Variants in VWA7 observed in about 807,000 individuals in gnomAD.
VWA7 encodes von Willebrand factor A domain-containing protein 7.
VWA7 carries 66 observed loss-of-function variants against 83.1 expected under a neutral mutation model. The observed-to-expected ratio is 0.79, with a 90% CI of 0.65 to 0.98. The LOEUF (loss-of-function observed/expected upper bound fraction) is 0.98. Ranked by LOEUF, VWA7 falls within the 50% of genes least tolerant of loss-of-function variation. The probability of loss-of-function intolerance (pLI) is 0.00; values close to 1 mark genes in which losing one functional copy is unlikely to be tolerated. For missense variants in VWA7, 1,080 were observed against 1,160.2 expected (o/e 0.93, Z 1.00); for synonymous variants, 424 against 488.5 (o/e 0.87, Z 1.74).
rs1256757700 is a variant in VWA7 at position 31,769,505 on chromosome 6, T to TTAAAC, written c.1317+169_1317+170insGTTTA. 2.6e-5 allele frequency among the ~76,000 whole-genome samples: 4 copies of TTAAAC among 152,226 alleles called. No homozygotes were observed. The highest frequency in any genetic ancestry group is 4.8e-5 in the African/African-American group (2 of 41,456). On this transcript the variant is annotated intron_variant, in intron 9 of 16. Transcript: ENST00000375688. This position sits in a 1 kb window ranked among gnomAD's most constrained non-coding sequence, Gnocchi z 4.5. The stretch of plus-strand genomic sequence containing the variant: ...TATTAAGGGTAGGGCCTCTTACGTA[T>TTAAAC]ATCATTAAAGGTATCAGGAAATGTT...
chr6:31,774,400 C>T, intron 5 of VWA7, 116 bp downstream of exon 5: 1 of 990,414 alleles, frequency 1.0e-6, no homozygotes, highest in South Asian at 1.6e-5. Flanking sequence ...CTGTTCCCAG[C>T]ATCCTCTCCT....
chr6:31,765,635 C>T lies in VWA7; in HGVS notation c.2635G>A (p.Val879Ile). Residue 879 changes from valine to isoleucine, a missense_variant, in exon 17 of 17, where the codon GTT becomes ATT. Val to Ile is a conservative substitution (Grantham distance 29, BLOSUM62 3). Transcript: ENST00000375688. ...CCTAGCAGAAGCAGCACCCCTCCAA[C>T]TGTGCCCCACCAGGGGCTGCCCGCA... ...LAAGSPWWGTVGGVLLLLGLA... is the reference protein window; with the variant it reads ...LAAGSPWWGTIGGVLLLLGLA... 1 of 1,611,062 alleles carries T rather than the reference C, an allele frequency of 6.2e-7. No individual in the cohort carries two copies. Among genetic ancestry groups the T allele is most frequent in the Non-Finnish European group, 8.5e-7 (1 of 1,179,232 alleles).
Position 31,769,854 on chromosome 6 carries a change from G to A in VWA7, c.1201-63C>T, listed in dbSNP as rs1008110641. Reference sequence around the variant, plus strand: ...GTAGGAGGGGAATGGGTAGAGCCACGGAGGATGAAGCAGAAGGGAATATGG... The same window carrying A: ...GTAGGAGGGGAATGGGTAGAGCCACAGAGGATGAAGCAGAAGGGAATATGG... On this transcript the variant is annotated intron_variant, in intron 8 of 16. Coordinates refer to ENST00000375688, the MANE Select transcript of VWA7 (RefSeq NM_025258.3). The surrounding 1 kb of genome is among the most constrained non-coding windows in gnomAD (Gnocchi z 4.5). 6.5e-7 allele frequency: 1 copy of A among 1,530,766 alleles called. No homozygotes were observed. Among genetic ancestry groups the A allele is most frequent in the Non-Finnish European group, 9.0e-7 (1 of 1,106,168 alleles). 94.8% of individuals were successfully genotyped at this position (1,530,766 alleles called of 1,614,324 possible).
chr6:31,774,979 C>T (rs1168194631), intron 4 of VWA7, among the ~76,000 whole-genome samples: 1 of 152,122 alleles, frequency 6.6e-6, no homozygotes, highest in Non-Finnish European at 1.5e-5. Context: ...AAACACAGTA[C>T]GTGTAGGGAC....
rs1811729497 is a variant in VWA7 at position 31,767,504 on chromosome 6, C to G, written c.1647G>C (p.Gln549His). 6 of 1,610,630 alleles carry G rather than the reference C, an allele frequency of 3.7e-6. No individual in the cohort carries two copies. Among genetic ancestry groups the G allele is most frequent in the Non-Finnish European group, 4.2e-6 (5 of 1,177,666 alleles). Reference protein sequence around the residue: ...FWIKNPAGVSQGQEEGGGPLG... With the variant: ...FWIKNPAGVSHGQEEGGGPLG... ...GAGGACCCCCGCCTTCCTCCTGGCCCTGGGAGACCCCTGGGGTCAGGGAAG... is the reference window on the plus strand; with the variant it reads ...GAGGACCCCCGCCTTCCTCCTGGCCGTGGGAGACCCCTGGGGTCAGGGAAG... Residue 549 changes from glutamine (Q) to histidine (H), a missense_variant, in exon 12 of 17, where the codon CAG becomes CAC. Coordinates refer to ENST00000375688, the MANE Select transcript of VWA7 (RefSeq NM_025258.3).
At chr6:31,770,269 C>T (rs750823070) in intron 7 of VWA7, among the ~76,000 whole-genome samples, 156 bp from the exon 8 acceptor site, 2 of 151,882 alleles carry the variant, frequency 1.3e-5, no homozygotes, top group Admixed American at 6.6e-5. Flanking sequence ...TGGCCGGGTG[C>T]GGTGGCTCAC....
chr6:31,774,620 T>A lies in VWA7; in HGVS notation c.617A>T (p.Asp206Val). Residue 206 changes from aspartate (D) to valine (V), a missense_variant, in exon 5 of 17, where the codon GAT becomes GTT. By Grantham distance (152) the Asp-to-Val change is radical. Coordinates refer to ENST00000375688, the MANE Select transcript of VWA7 (RefSeq NM_025258.3). ...QELQNLAQVA[D>V]PTCSDCEELS... ...CTCCTCGCAATCGGAGCAGGTAGGA[T>A]CGGCCACTGGGAAGAGAGGGCAGGG... is the stretch of plus-strand genomic sequence containing the variant. The A allele has an allele frequency of 6.2e-7, 1 of 1,611,558 alleles. No individual in the cohort carries two copies. Among genetic ancestry groups the A allele is most frequent in the Non-Finnish European group, 8.5e-7 (1 of 1,179,402 alleles).
chr6:31,768,276 C>A (rs999551956), intron 10 of VWA7, among the ~76,000 whole-genome samples: 2 of 151,854 alleles, frequency 1.3e-5, no homozygotes, highest in African/African-American at 4.8e-5. Flanking sequence ...AAGTTGGAGG[C>A]AAGGGATTCA....
At chr6:31,770,277 C>T (rs952026565) in intron 7 of VWA7, among the ~76,000 whole-genome samples, 164 bp from the exon 8 acceptor site, 4 of 152,000 alleles carry the variant, frequency 2.6e-5, no homozygotes, top group Non-Finnish European at 5.9e-5. Context: ...TGCGGTGGCT[C>T]ACACCTGTAA....
At chr6:31,772,575 CTTTCT>C (rs1812284674) in intron 7 of VWA7, among the ~76,000 whole-genome samples, 1 of 85,494 alleles carries the variant, frequency 1.2e-5, no homozygotes, top group African/African-American at 4.5e-5. Context: ...TTTTTTTTTT[CTTTCT>C]TTTCTTTTTT....
rs115313300 is a variant in VWA7, at chr6:31,769,639, G to A, written c.1317+36C>T. The A allele has an allele frequency of 0.022, 34,081 of 1,565,514 alleles. 857 individuals are homozygous for A. Among genetic ancestry groups the A allele is most frequent in the African/African-American group, 0.095 (7,020 of 73,964 alleles). On this transcript the variant is annotated intron_variant, in intron 9 of 16. Coordinates refer to ENST00000375688, the MANE Select transcript of VWA7 (RefSeq NM_025258.3). The surrounding 1 kb of genome is among the most constrained non-coding windows in gnomAD (Gnocchi z 4.5). Reference sequence around the variant, plus strand: ...ATCACAGGGTCTCTCACATCCCTGGGAGGCTAACACTGGGTCTCCCACTAG... The same window carrying A: ...ATCACAGGGTCTCTCACATCCCTGGAAGGCTAACACTGGGTCTCCCACTAG...
chr6:31,770,314 G>A (rs992065568), intron 7 of VWA7, among the ~76,000 whole-genome samples: 49 of 151,802 alleles, frequency 3.2e-4, no homozygotes, highest in African/African-American at 1.2e-3. Context: ...GGCCAAGGTG[G>A]GTGGATCATG....
chr6:31,775,408 A>G lies in VWA7; in HGVS notation c.535T>C (p.Trp179Arg), dbSNP rs529144337. 6 of 1,612,380 alleles carry G rather than the reference A, an allele frequency of 3.7e-6. No homozygotes were observed. Among genetic ancestry groups the G allele is most frequent in the Non-Finnish European group, 5.1e-6 (6 of 1,179,698 alleles). ...GGCTGCTGCTCGCCCAGCTCCACCC[A>G]GTTGCTATGACTGTAGAAATCCTGG... ...ALQDFYSHSN[W>R]VELGEQQPHP... The change falls in exon 4 of 17, where the codon TGG (tryptophan) becomes CGG (arginine). Residue 179 changes from tryptophan (W) to arginine (R), a missense_variant. Trp to Arg is a moderately radical substitution (Grantham distance 101). Transcript: ENST00000375688. The surrounding 1 kb of genome is among the most constrained non-coding windows in gnomAD (Gnocchi z 5.9).
chr6:31,769,615 T>G lies in VWA7; in HGVS notation c.1317+60A>C. On this transcript the variant is annotated intron_variant, in intron 9 of 16. Coordinates refer to ENST00000375688, the MANE Select transcript of VWA7 (RefSeq NM_025258.3). This position sits in a 1 kb window ranked among gnomAD's most constrained non-coding sequence, Gnocchi z 4.5. Reference sequence around the variant, plus strand: ...TGCAACCCTCGTTATGAGATTGTCATCACAGGGTCTCTCACATCCCTGGGA... The same window carrying G: ...TGCAACCCTCGTTATGAGATTGTCAGCACAGGGTCTCTCACATCCCTGGGA... 6.8e-7 allele frequency: 1 copy of G among 1,471,060 alleles called. No individual in the cohort carries two copies. The highest frequency in any genetic ancestry group is 9.5e-7 in the Non-Finnish European group (1 of 1,053,414). The allele number at this position is 1,471,060 out of a possible 1,614,324, so 91.1% of individuals were successfully genotyped here. A position where few individuals can be genotyped will look rare whatever the true frequency, so the allele number is the denominator to read the frequency against.
chr6:31,771,112 A>C (rs1306753613), intron 7 of VWA7, among the ~76,000 whole-genome samples: 3 of 152,170 alleles, frequency 2.0e-5, no homozygotes, highest in Non-Finnish European at 4.4e-5. Context: ...GGGAGGACTA[A>C]ATGAGTTGAT....
In VWA7 at chr6:31,765,930, G is replaced by C. The variant is rs1224753194; in HGVS notation, c.2452C>G (p.Pro818Ala). ...AGGREANPVP[P>A]THAFLRLLVS... ...AGGAGCCGGAGGAAAGCATGAGTCG[G>C]GGGTACTGGGTTGGCTTCTCGTCCC... The change falls in exon 16 of 17, where the codon CCG becomes GCG. Residue 818 changes from proline to alanine, a missense_variant. Pro to Ala is a conservative substitution (Grantham distance 27). Transcript: ENST00000375688. 2 of 1,613,126 alleles carry C rather than the reference G, an allele frequency of 1.2e-6. No homozygotes were observed. Among genetic ancestry groups the C allele is most frequent in the East Asian group, 2.2e-5 (1 of 44,886 alleles).
chr6:31,769,225 G>C lies in VWA7; in HGVS notation c.1318-22C>G, dbSNP rs750461668. ...TTACCTGTACCCAGAAGAGAGCTCA[G>C]TGATTGGGGTGTCCAAGTGCCATCC... is the stretch of plus-strand genomic sequence containing the variant. On this transcript the variant is annotated intron_variant, in intron 9 of 16. Transcript: ENST00000375688. This position sits in a 1 kb window ranked among gnomAD's most constrained non-coding sequence, Gnocchi z 4.5. The C allele has an allele frequency of 6.2e-7, 1 of 1,601,818 alleles. No homozygotes were observed. Among genetic ancestry groups the C allele is most frequent in the South Asian group, 1.1e-5 (1 of 90,384 alleles).
Position 31,775,501 on chromosome 6 carries a change from G to T in VWA7, c.514-72C>A. The T allele has an allele frequency of 7.2e-7, 1 of 1,388,504 alleles. No individual in the cohort carries two copies. The highest frequency in any genetic ancestry group is 9.9e-7 in the Non-Finnish European group (1 of 1,005,418). The allele number at this position is 1,388,504 out of a possible 1,614,324, so 86.0% of individuals were successfully genotyped here. A position where few individuals can be genotyped will look rare whatever the true frequency, so the allele number is the denominator to read the frequency against. On this transcript the variant is annotated intron_variant, in intron 3 of 16. Transcript: ENST00000375688. The surrounding 1 kb of genome is among the most constrained non-coding windows in gnomAD (Gnocchi z 5.9). ...TTCTCACCATCTCCAGCACTAATAT[G>T]CCACTCCTTTGAGTTCCCCATCCCG...
At chr6:31,770,244 T>C (rs1170535056) in intron 7 of VWA7, 131 bp from the exon 8 acceptor site, 2 of 703,492 alleles carry the variant, frequency 2.8e-6, no homozygotes, top group Non-Finnish European at 2.4e-6. Context: ...AATACTCCAT[T>C]ATAAGACTCA....
Sources: allele counts gnomAD v4.1 joint callset (sites outside exome capture counted in the v4.1 genomes callset), GRCh38; gene constraint gnomAD v4.1.1; non-coding constraint Gnocchi (gnomAD v3.1); transcripts MANE v1.5; gene names NCBI Gene and HGNC (gene_info 2026-07-23, HGNC 2026-07-21).